HECW2: variants seen among roughly 807,000 people sequenced by gnomAD.
HECW2 encodes E3 ubiquitin-protein ligase HECW2.
HECW2 carries 61 observed loss-of-function variants against 175.2 expected under a neutral mutation model. The ratio of observed to expected loss-of-function variants is 0.35; its 90% CI spans 0.28 to 0.43. The LOEUF (loss-of-function observed/expected upper bound fraction) is 0.43, where lower values mean the gene tolerates loss of function less well. HECW2 is among the 20% of genes least tolerant of loss of function. The pLI is 1.00. For synonymous variants in HECW2, 671 were observed against 731.0 expected (o/e 0.92, Z 1.32); for missense variants, 1,524 against 2,000.5 (o/e 0.76, Z 4.54).
At chr2:196,363,922 C>A (rs542561314) in intron 2 of HECW2, among the ~76,000 whole-genome samples, 10 of 152,314 alleles carry the variant, frequency 6.6e-5, no homozygotes, top group Non-Finnish European at 1.5e-4. Context: ...AGCCTATGGA[C>A]AACAAATAGA....
At chr2:196,514,328 C>T (rs1424180600) in intron 1 of HECW2, among the ~76,000 whole-genome samples, 1 of 152,226 alleles carries the variant, frequency 6.6e-6, no homozygotes, top group East Asian at 1.9e-4. Flanking sequence ...TCCCTTCAGA[C>T]TTTGGGCACC....
At chr2:196,383,410 G>C (rs1383608429) in intron 2 of HECW2, among the ~76,000 whole-genome samples, 1 of 152,192 alleles carries the variant, frequency 6.6e-6, no homozygotes, top group Non-Finnish European at 1.5e-5. Context: ...GGAAACAGAT[G>C]AGATTGCAGG....
chr2:196,240,554 A>G lies in HECW2; in HGVS notation c.3659T>C (p.Ile1220Thr). ...GQGPGKLKLI[I>T]RRDHLLEDAF... ...ATCTTCTAGTAAGTGATCTCTTCGGATAATTAACCTGTCCATAAAGAGACA... is the reference window on the plus strand; with the variant it reads ...ATCTTCTAGTAAGTGATCTCTTCGGGTAATTAACCTGTCCATAAAGAGACA... Residue 1220 changes from isoleucine (I) to threonine (T), a missense_variant, in exon 21 of 29, where the codon ATC becomes ACC. Physicochemically the swap from Ile to Thr is moderately conservative, Grantham distance 89 (BLOSUM62 -1). Coordinates refer to ENST00000644978, the MANE Select transcript of HECW2 (RefSeq NM_001348768.2). 6.2e-7 allele frequency: 1 copy of G among 1,604,122 alleles called. No homozygotes were observed. Among genetic ancestry groups the G allele is most frequent in the Non-Finnish European group, 8.5e-7 (1 of 1,177,052 alleles).
At chr2:196,317,204 TG>T (rs1203182955) in intron 10 of HECW2, 69 bp downstream of exon 10, 8 of 1,180,334 alleles carry the variant, frequency 6.8e-6, no homozygotes, top group Non-Finnish European at 9.9e-6. Flanking sequence ...TTGAGACTCA[TG>T]GGAATGGGTC....
intron 7 of HECW2, among the ~76,000 whole-genome samples, chr2:196,320,715 C>T (rs1691909856): frequency 6.6e-6 from 1 of 152,176 alleles, no homozygotes; most frequent in Non-Finnish European, 1.5e-5. Context: ...TTTAAGGACA[C>T]TGATTCACTC....
At chr2:196,566,353 C>T (rs1388464870) in intron 1 of HECW2, among the ~76,000 whole-genome samples, 5 of 151,088 alleles carry the variant, frequency 3.3e-5, no homozygotes. Context: ...TAGGTCTGCG[C>T]CTTTTACTGC....
At chr2:196,541,819 C>G (rs1689225763) in intron 1 of HECW2, among the ~76,000 whole-genome samples, 1 of 151,672 alleles carries the variant, frequency 6.6e-6, no homozygotes, top group Non-Finnish European at 1.5e-5. Flanking sequence ...CCTTCCAACA[C>G]CTGAAGATTT....
intron 1 of HECW2, among the ~76,000 whole-genome samples, chr2:196,458,033 G>A (rs1696582540): frequency 6.6e-6 from 1 of 152,148 alleles, no homozygotes; most frequent in Non-Finnish European, 1.5e-5. Flanking sequence ...ACTTTGGGAG[G>A]CTGAGGTGGG....
intron 2 of HECW2, among the ~76,000 whole-genome samples, chr2:196,401,336 A>G (rs1413500770): frequency 6.6e-6 from 1 of 152,220 alleles, no homozygotes; most frequent in Non-Finnish European, 1.5e-5. Flanking sequence ...ATTGCAAAGT[A>G]GAAGCAACTA....
At chr2:196,448,171 C>T (rs1696241596) in intron 1 of HECW2, among the ~76,000 whole-genome samples, 1 of 152,154 alleles carries the variant, frequency 6.6e-6, no homozygotes, top group Non-Finnish European at 1.5e-5. Flanking sequence ...AACTGATTCC[C>T]ATCATTTGAA....
rs761270025 is a variant in HECW2 at position 196,320,439 on chromosome 2, A to G, written c.885T>C (p.Gly295=). ...VQRLLERQAI[G]DQMLSYNLGR... is the part of the protein sequence containing the mutation. ...CAAGGTTGTAGCTGAGCATTTGATCACTGCAAGAAGAGAAATGCTTCTTTC... is the reference window on the plus strand; with the variant it reads ...CAAGGTTGTAGCTGAGCATTTGATCGCTGCAAGAAGAGAAATGCTTCTTTC... The change falls in exon 8 of 29, where the codon GGT becomes GGC. Residue 295 remains glycine, a splice_region_variant and synonymous_variant. Coordinates refer to ENST00000644978, the MANE Select transcript of HECW2 (RefSeq NM_001348768.2). 14 of 1,604,478 alleles carry G rather than the reference A, an allele frequency of 8.7e-6. No homozygotes were observed. The Admixed American group carries it at 2.2e-4, about 25-fold the overall frequency.
chr2:196,575,790 A>G (rs1280509593), intron 1 of HECW2, among the ~76,000 whole-genome samples: 2 of 152,186 alleles, frequency 1.3e-5, no homozygotes, highest in African/African-American at 2.4e-5. Flanking sequence ...TCATGGTGGG[A>G]GGCTAAGCAG....
chr2:196,379,689 A>AAAC (rs1694152716), intron 2 of HECW2, among the ~76,000 whole-genome samples: 1 of 47,868 alleles, frequency 2.1e-5, no homozygotes, highest in Non-Finnish European at 6.9e-5. Context: ...CGTCTCAAAA[A>AAAC]AAAAAAAAAA....
intron 28 of HECW2, among the ~76,000 whole-genome samples, chr2:196,204,889 T>C (rs533844283): frequency 6.6e-6 from 1 of 152,320 alleles, no homozygotes; most frequent in Admixed American, 6.5e-5. Flanking sequence ...AACAGGAACT[T>C]TGAATGTCTC....
chr2:196,557,167 G>A (rs1363705752), intron 1 of HECW2, among the ~76,000 whole-genome samples: 1 of 152,102 alleles, frequency 6.6e-6, no homozygotes, highest in Non-Finnish European at 1.5e-5. Context: ...AGCCCGAGGT[G>A]GGCGGATCAC....
chr2:196,470,446 A>G (rs1697149545), intron 1 of HECW2, among the ~76,000 whole-genome samples: 1 of 152,240 alleles, frequency 6.6e-6, no homozygotes. Flanking sequence ...CTTTATGCAT[A>G]TTAGTACTTT....
At chr2:196,417,948 A>G (rs891213967) in intron 2 of HECW2, among the ~76,000 whole-genome samples, 2 of 152,244 alleles carry the variant, frequency 1.3e-5, no homozygotes, top group Non-Finnish European at 2.9e-5. Flanking sequence ...GGATGCCTTA[A>G]AAAGATACAT....
At chr2:196,546,879 A>G (rs1027893761) in intron 1 of HECW2, among the ~76,000 whole-genome samples, 8 of 152,194 alleles carry the variant, frequency 5.3e-5, no homozygotes, top group African/African-American at 1.9e-4. Flanking sequence ...AGAGGCCAAG[A>G]ATAAGCAAAA....
intron 1 of HECW2, among the ~76,000 whole-genome samples, chr2:196,557,887 A>G (rs971580314): frequency 6.6e-6 from 1 of 152,194 alleles, no homozygotes; most frequent in Non-Finnish European, 1.5e-5. Flanking sequence ...ATTTTCTACA[A>G]TGAAAATTTC....
Sources: allele counts gnomAD v4.1 joint callset (sites outside exome capture counted in the v4.1 genomes callset), GRCh38; gene constraint gnomAD v4.1.1; transcripts MANE v1.5; gene names NCBI Gene and HGNC (gene_info 2026-07-23, HGNC 2026-07-21).